The following PPARGC1B variants were observed in gnomAD, a reference collection of about 807,000 sequenced individuals.
PPARGC1B encodes the protein peroxisome proliferator-activated receptor gamma coactivator 1-beta.
Under a neutral mutation model 101.6 loss-of-function variants are expected in PPARGC1B, and 34 were observed. That is an observed-to-expected ratio of 0.33 (90% CI 0.25 to 0.45). The LOEUF is 0.45. Ranked by LOEUF, PPARGC1B falls within the 20% of genes least tolerant of loss-of-function variation. The probability of loss-of-function intolerance (pLI) is 1.00; values close to 1 mark genes in which losing one functional copy is unlikely to be tolerated. For synonymous variants in PPARGC1B, 548 were observed against 539.3 expected (o/e 1.02, Z -0.22); for missense variants, 1,234 against 1,317.6 (o/e 0.94, Z 0.98).
chr5:149,781,204 CAAAA>C (rs35016517), intron 1 of PPARGC1B, among the ~76,000 whole-genome samples: 1 of 121,690 alleles, frequency 8.2e-6, no homozygotes, highest in African/African-American at 3.0e-5. Flanking sequence ...GACTTCATCT[CAAAA>C]AAAAAAAAAA....
intron 1 of PPARGC1B, among the ~76,000 whole-genome samples, chr5:149,766,712 A>G (rs1018718033): frequency 5.3e-5 from 8 of 152,216 alleles, no homozygotes; most frequent in Non-Finnish European, 1.2e-4. Context: ...ACAGAGCACA[A>G]TAGCACCCAT....
chr5:149,857,541 C>T (rs1284036551), downstream of PPARGC1B, among the ~76,000 whole-genome samples: 2 of 152,240 alleles, frequency 1.3e-5, no homozygotes, highest in Non-Finnish European at 2.9e-5. Flanking sequence ...TGCTTAAAGA[C>T]CACTGCTATC....
At chr5:149,754,723 A>G (rs942219629) in intron 1 of PPARGC1B, among the ~76,000 whole-genome samples, 1 of 148,814 alleles carries the variant, frequency 6.7e-6, no homozygotes, top group East Asian at 2.0e-4. Flanking sequence ...TTGTCTTGCT[A>G]TATATAGTAG....
chr5:149,771,127 C>T (rs992628121), intron 1 of PPARGC1B, among the ~76,000 whole-genome samples: 4 of 152,174 alleles, frequency 2.6e-5, no homozygotes, highest in African/African-American at 9.7e-5. Flanking sequence ...TGGAGGCTCC[C>T]CGCCTGCGTG....
intron 1 of PPARGC1B, among the ~76,000 whole-genome samples, chr5:149,746,304 C>G (rs1230664602): frequency 6.6e-6 from 1 of 152,210 alleles, no homozygotes; most frequent in Non-Finnish European, 1.5e-5. Context: ...TACTTTCTGT[C>G]TCTATGATTT....
intron 1 of PPARGC1B, among the ~76,000 whole-genome samples, chr5:149,754,496 A>T (rs1320149166): frequency 6.6e-6 from 1 of 152,244 alleles, no homozygotes; most frequent in Admixed American, 6.5e-5. Flanking sequence ...TAGATAGATA[A>T]TCAGTATAAA....
Position 149,812,449 on chromosome 5 carries a change from A to G in PPARGC1B, c.79-7984A>G, listed in dbSNP as rs569320388. Among the ~76,000 whole-genome samples, 230 of 150,004 alleles carry G rather than the reference A, an allele frequency of 1.5e-3. 1 individual carries two copies. Among genetic ancestry groups the G allele is most frequent in the African/African-American group, 5.6e-3 (227 of 40,634 alleles). On this transcript the variant is annotated intron_variant, in intron 1 of 11. Transcript: ENST00000309241. ...AAGATTGGGTTTTTTTCATAAGGTA[A>G]GAGAGATGAATAAGTTATCACTTTT...
At chr5:149,744,393 G>T (rs554138310) in intron 1 of PPARGC1B, among the ~76,000 whole-genome samples, 1 of 152,182 alleles carries the variant, frequency 6.6e-6, no homozygotes. Flanking sequence ...CTGCAGCACC[G>T]AAGCCAGCTT....
chr5:149,757,403 C>T (rs965232801), intron 1 of PPARGC1B, among the ~76,000 whole-genome samples: 1 of 151,980 alleles, frequency 6.6e-6, no homozygotes, highest in African/African-American at 2.4e-5. Flanking sequence ...GCACGCCCTG[C>T]CTGAGGGGAT....
At position 149,738,109 on chromosome 5, in the gene PPARGC1B, A is replaced by G. The variant is rs528987376; in HGVS notation, c.78+7689A>G. 9.8e-5 allele frequency among the ~76,000 whole-genome samples: 15 copies of G among 152,370 alleles called. 1 individual carries two copies. The highest frequency in any genetic ancestry group is 2.6e-4 in the African/African-American group (11 of 41,578). Reference sequence around the variant, plus strand: ...AAATAATAGATATATCTCTTCATCTATAGATCATATTAAGTGTTAGGACAT... The same window carrying G: ...AAATAATAGATATATCTCTTCATCTGTAGATCATATTAAGTGTTAGGACAT... On this transcript the variant is annotated intron_variant, in intron 1 of 11. Coordinates refer to ENST00000309241, the MANE Select transcript of PPARGC1B (RefSeq NM_133263.4).
intron 1 of PPARGC1B, among the ~76,000 whole-genome samples, chr5:149,776,373 A>T (rs6871366): frequency 0.015 from 2,322 of 151,946 alleles, 76 homozygotes; most frequent in African/African-American, 0.054. Flanking sequence ...GGTTTTTTTT[A>T]TTTATTTATT....
At chr5:149,806,813 G>T (rs182824896) in intron 1 of PPARGC1B, among the ~76,000 whole-genome samples, 1 of 151,840 alleles carries the variant, frequency 6.6e-6, no homozygotes, top group Non-Finnish European at 1.5e-5. Context: ...TCACCATATT[G>T]GTCAGCTGCT....
Position 149,820,461 on chromosome 5 carries a change from A to T in PPARGC1B, c.107A>T (p.Tyr36Phe). The T allele has an allele frequency of 6.2e-7, 1 of 1,613,982 alleles. No individual in the cohort carries two copies. Among genetic ancestry groups the T allele is most frequent in the Non-Finnish European group, 8.5e-7 (1 of 1,180,006 alleles). Residue 36 changes from tyrosine (Y) to phenylalanine (F), a missense_variant, in exon 2 of 12, where the codon TAT becomes TTT. By Grantham distance (22) the Tyr-to-Phe change is conservative (BLOSUM62 3). Around this residue, in one of 3 missense-constraint regions of PPARGC1B, gnomAD observed 734 missense variants for 768.4 expected, o/e 0.96. Transcript: ENST00000309241. ...GGAGGGTCCGGGGAGGAGCAACTCT[A>T]TGCTGACTTTCCAGAACTTGACCTC... is the stretch of plus-strand genomic sequence containing the variant. ...QGGGSGEEQL[Y>F]ADFPELDLSQ... is the part of the protein sequence containing the mutation.
chr5:149,762,172 TGAG>T (rs1755740755), intron 1 of PPARGC1B, among the ~76,000 whole-genome samples: 2 of 139,794 alleles, frequency 1.4e-5, no homozygotes. Context: ...TTTTTTTTTT[TGAG>T]ATGGAGTCTG....
chr5:149,780,219 G>C (rs60521083), intron 1 of PPARGC1B, among the ~76,000 whole-genome samples: 2,748 of 152,318 alleles, frequency 0.018, 73 homozygotes, highest in African/African-American at 0.061. Context: ...TCCAGCGCAG[G>C]ATGAGCAGCC....
At chr5:149,797,687 G>A (rs1298931451) in intron 1 of PPARGC1B, among the ~76,000 whole-genome samples, 4 of 152,330 alleles carry the variant, frequency 2.6e-5, no homozygotes, top group Non-Finnish European at 5.9e-5. Context: ...TTGGGAGGCC[G>A]AGGCGGGTGA....
intron 1 of PPARGC1B, among the ~76,000 whole-genome samples, chr5:149,791,013 G>C (rs1756995768): frequency 6.6e-6 from 1 of 152,062 alleles, no homozygotes; most frequent in Admixed American, 6.6e-5. Flanking sequence ...TTTGGACCAG[G>C]TGTGGTGGTT....
chr5:149,770,107 C>T (rs1445722266), intron 1 of PPARGC1B, among the ~76,000 whole-genome samples: 1 of 152,216 alleles, frequency 6.6e-6, no homozygotes, highest in Non-Finnish European at 1.5e-5. Flanking sequence ...TCTGTCCTCC[C>T]TCAGGGTTGT....
At chr5:149,776,128 T>C (rs1008117348) in intron 1 of PPARGC1B, among the ~76,000 whole-genome samples, 1 of 150,016 alleles carries the variant, frequency 6.7e-6, no homozygotes, top group Non-Finnish European at 1.5e-5. Flanking sequence ...ATGTTTCTTT[T>C]TGAACCCCTG....
Sources: gnomAD v4.1 joint callset for allele counts (sites outside exome capture counted in the v4.1 genomes callset) on GRCh38, gnomAD v4.1.1 for gene constraint, gnomAD v4.1.1 regional missense constraint, MANE v1.5 for transcripts, NCBI Gene and HGNC (gene_info 2026-07-23, HGNC 2026-07-21) for gene names.